Variants in CYTH3 observed in about 807,000 individuals in gnomAD.
CYTH3 encodes cytohesin-3.
In CYTH3, 23 loss-of-function variants were observed where a neutral mutation model predicts 55.1. The observed-to-expected ratio is 0.42, with a 90% CI of 0.30 to 0.59. CYTH3 has a LOEUF of 0.59. CYTH3 is among the 20% of genes least tolerant of loss of function. The probability of loss-of-function intolerance (pLI) is 0.20; values close to 1 mark genes in which losing one functional copy is unlikely to be tolerated. For missense variants in CYTH3, 413 were observed against 524.8 expected, an observed-to-expected ratio of 0.79 and a Z score of 2.08; for synonymous variants, 249 against 194.9, an observed-to-expected ratio of 1.28 and a Z score of -2.31.
chr7:6,236,960 G>T (rs768080514), intron 1 of CYTH3, among the ~76,000 whole-genome samples: 27 of 152,220 alleles, frequency 1.8e-4, no homozygotes, highest in Admixed American at 4.6e-4. Flanking sequence ...GTTCTACAAA[G>T]ACTCTCATGG....
chr7:6,172,932 C>A, intron 6 of CYTH3: 1 of 1,170,752 alleles, frequency 8.5e-7, no homozygotes, highest in Non-Finnish European at 1.1e-6. Context: ...CATGAGCAAA[C>A]AGTCCACGTA....
At chr7:6,222,019 T>C (rs1784564269) in intron 1 of CYTH3, among the ~76,000 whole-genome samples, 1 of 152,162 alleles carries the variant, frequency 6.6e-6, no homozygotes, top group South Asian at 2.1e-4. Flanking sequence ...AACCAGATGT[T>C]TCCTATACCC....
In CYTH3 at chr7:6,244,955, A is replaced by ATT. The variant is rs887701278; in HGVS notation, c.34+27517_34+27518dup. On this transcript the variant is annotated intron_variant, in intron 1 of 12. Coordinates refer to ENST00000350796, the MANE Select transcript of CYTH3 (RefSeq NM_004227.4). ...AGTCACCCGCCACCACGCCCGGCTAATTTTTTTTTTTTTTTTTTTTTTTTT... is the reference window on the plus strand; with the variant it reads ...AGTCACCCGCCACCACGCCCGGCTAATTTTTTTTTTTTTTTTTTTTTTTTTTT... Among the ~76,000 whole-genome samples the ATT allele has an allele frequency of 5.1e-3, 184 of 36,434 alleles. 22 individuals carry two copies. Among genetic ancestry groups the ATT allele is most frequent in the Non-Finnish European group, 5.9e-3 (118 of 19,956 alleles). The allele number at this position is 36,434 out of a possible 152,430, so 23.9% of individuals were successfully genotyped here. A position where few individuals can be genotyped will look rare whatever the true frequency, so the allele number is the denominator to read the frequency against.
intron 4 of CYTH3, among the ~76,000 whole-genome samples, chr7:6,184,727 C>T (rs1783593556): frequency 6.6e-6 from 1 of 152,090 alleles, no homozygotes; most frequent in African/African-American, 2.4e-5. Flanking sequence ...TACAGGCACC[C>T]ACCACCACGC....
At chr7:6,196,962 T>A (rs1783949499) in intron 1 of CYTH3, among the ~76,000 whole-genome samples, 1 of 152,160 alleles carries the variant, frequency 6.6e-6, no homozygotes, top group African/African-American at 2.4e-5. Context: ...AATTCAAGCA[T>A]CGGCATACAT....
chr7:6,201,130 G>A (rs914462336), intron 1 of CYTH3, among the ~76,000 whole-genome samples: 2 of 152,212 alleles, frequency 1.3e-5, no homozygotes, highest in Non-Finnish European at 2.9e-5. Flanking sequence ...CAAAAGGGCA[G>A]GCTCTGAGCT....
intron 4 of CYTH3, among the ~76,000 whole-genome samples, chr7:6,180,877 C>T (rs1783488853): frequency 6.6e-6 from 1 of 152,072 alleles, no homozygotes; most frequent in Admixed American, 6.5e-5. Flanking sequence ...TTTATTAATA[C>T]CCAAGTGTCT....
At chr7:6,203,805 G>A (rs1253861002) in intron 1 of CYTH3, among the ~76,000 whole-genome samples, 2 of 151,430 alleles carry the variant, frequency 1.3e-5, no homozygotes, top group Admixed American at 1.3e-4. Flanking sequence ...TGCAAGCTCC[G>A]CCTCCTGGGT....
chr7:6,187,749 G>T, intron 2 of CYTH3, 28 bp from the exon 3 acceptor site: 3 of 1,602,224 alleles, frequency 1.9e-6, no homozygotes, highest in Non-Finnish European at 2.6e-6. Flanking sequence ...TTTCGAGGTG[G>T]GGAGTGGGTC....
chr7:6,217,959 G>A (rs535886932), intron 1 of CYTH3, among the ~76,000 whole-genome samples: 2 of 152,286 alleles, frequency 1.3e-5, no homozygotes, highest in East Asian at 1.9e-4. Context: ...GAGGTGGGCA[G>A]ATCACTTGAG....
chr7:6,219,771 C>T (rs1420084330), intron 1 of CYTH3, among the ~76,000 whole-genome samples: 3 of 152,044 alleles, frequency 2.0e-5, no homozygotes, highest in Non-Finnish European at 4.4e-5. Flanking sequence ...TCATTCCTAT[C>T]AAATTTCCAG....
chr7:6,222,508 A>T (rs564699880), intron 1 of CYTH3, among the ~76,000 whole-genome samples: 2 of 152,280 alleles, frequency 1.3e-5, no homozygotes, highest in South Asian at 4.1e-4. Flanking sequence ...GCACTCGGGG[A>T]GGCCAAGATG....
chr7:6,272,083 G>A (rs1780676325), intron 1 of CYTH3, among the ~76,000 whole-genome samples: 1 of 152,184 alleles, frequency 6.6e-6, no homozygotes, highest in Non-Finnish European at 1.5e-5. Flanking sequence ...AGCTGAAAGG[G>A]GGCGTCCGAA....
intron 1 of CYTH3, among the ~76,000 whole-genome samples, chr7:6,255,884 C>A (rs1181230725): frequency 6.6e-6 from 1 of 151,272 alleles, no homozygotes. Context: ...CTGCCTCAGC[C>A]TCCTGAGTAG....
At chr7:6,190,630 G>T in intron 1 of CYTH3, 99 bp from the exon 2 acceptor site, 2 of 893,002 alleles carry the variant, frequency 2.2e-6, no homozygotes, top group South Asian at 1.8e-5. Flanking sequence ...AATTCCATAC[G>T]CAGGTATTTA....
intron 5 of CYTH3, among the ~76,000 whole-genome samples, chr7:6,174,537 G>C (rs1417394680): frequency 7.2e-6 from 1 of 138,846 alleles, no homozygotes; most frequent in Non-Finnish European, 1.6e-5. Context: ...ATCTCCTTGT[G>C]GGTTTTTTTT....
rs186980641 is a variant in CYTH3, at chr7:6,205,991, A to C, written c.35-15460T>G. The stretch of plus-strand genomic sequence containing the variant: ...AGAGAAACAACTGCTTAAACCCAAA[A>C]CAGAAAATAATACAGAAATCAATTA... On this transcript the variant is annotated intron_variant, in intron 1 of 12. Transcript: ENST00000350796. Among the ~76,000 whole-genome samples, 65 of 152,180 alleles carry C rather than the reference A, an allele frequency of 4.3e-4. No individual in the cohort carries two copies. In the East Asian group the frequency reaches 0.01, roughly 24 times the overall value.
intron 1 of CYTH3, among the ~76,000 whole-genome samples, chr7:6,262,474 A>G (rs1358160858): frequency 6.6e-6 from 1 of 152,208 alleles, no homozygotes; most frequent in Non-Finnish European, 1.5e-5. Context: ...TAAAGGGAAG[A>G]AAAAACACAC....
chr7:6,251,728 A>C (rs1779976586), intron 1 of CYTH3, among the ~76,000 whole-genome samples: 1 of 152,228 alleles, frequency 6.6e-6, no homozygotes, highest in African/African-American at 2.4e-5. Context: ...AAACGTAAAA[A>C]AGAGCTTCTA....
Sources: gnomAD v4.1 joint callset for allele counts (sites outside exome capture counted in the v4.1 genomes callset) on GRCh38, gnomAD v4.1.1 for gene constraint, MANE v1.5 for transcripts, NCBI Gene and HGNC (gene_info 2026-07-23, HGNC 2026-07-21) for gene names.